Variants in CCDC187 observed in about 807,000 individuals in gnomAD.
The protein encoded by CCDC187 is coiled-coil domain containing 187.
Under a neutral mutation model 38.0 loss-of-function variants are expected in CCDC187, and 32 were observed. The ratio of observed to expected loss-of-function variants is 0.84; its 90% CI spans 0.64 to 1.13. CCDC187 has a LOEUF of 1.13. CCDC187 is among the 50% of genes most tolerant of loss of function. The probability of loss-of-function intolerance (pLI) is 0.00; values close to 1 mark genes in which losing one functional copy is unlikely to be tolerated. For synonymous variants in CCDC187, 333 were observed against 347.9 expected (o/e 0.96, Z 0.48); for missense variants, 707 against 786.8 (o/e 0.90, Z 1.21).
chr9:136,251,160 C>G lies in CCDC187; in HGVS notation c.*2434G>C, dbSNP rs1554759349. The G allele has an allele frequency of 1.3e-5, 5 of 392,378 alleles. 1 individual carries two copies. In the Admixed American group the frequency reaches 1.4e-4, roughly 11 times the overall value. 24.3% of individuals were successfully genotyped at this position (392,378 alleles called of 1,614,324 possible). ...CACAGATGTCCCTAAGGCCAACACG[C>G]TGCTCATCAACTCCGCATTCAAGAA... On this transcript the variant is annotated 3_prime_UTR_variant, in exon 26 of 26. Transcript: ENST00000638797.
chr9:136,267,890 C>T (rs1048493940), intron 15 of CCDC187, 159 bp downstream of exon 15: 4 of 985,358 alleles, frequency 4.1e-6, no homozygotes, highest in Non-Finnish European at 3.6e-6. Context: ...GGGTAGCTGT[C>T]AGCTGGAAGA....
intron 12 of CCDC187, among the ~76,000 whole-genome samples, 162 bp from the exon 13 acceptor site, chr9:136,275,169 C>A (rs1164535229): frequency 6.6e-6 from 1 of 152,162 alleles, no homozygotes; most frequent in African/African-American, 2.4e-5. Context: ...CAAGTGGGGC[C>A]GACAGCCCCC....
At chr9:136,269,684 C>T (rs1554762119) in intron 14 of CCDC187, among the ~76,000 whole-genome samples, 1 of 152,008 alleles carries the variant, frequency 6.6e-6, no homozygotes, top group Non-Finnish European at 1.5e-5. Context: ...TACAAGAATA[C>T]AAAAATATCT....
intron 7 of CCDC187, among the ~76,000 whole-genome samples, chr9:136,289,266 C>G (rs1831253003): frequency 6.6e-6 from 1 of 151,954 alleles, no homozygotes; most frequent in African/African-American, 2.4e-5. Flanking sequence ...TCCTATAATC[C>G]CAGCACTTTG....
chr9:136,267,781 GCC>G (rs1830773118), intron 15 of CCDC187: 1 of 938,812 alleles, frequency 1.1e-6, no homozygotes, highest in Admixed American at 6.2e-5. Context: ...CAGGCCACCT[GCC>G]CTAAAATATA....
chr9:136,286,484 A>C lies in CCDC187; in HGVS notation c.2434T>G (p.Ser812Ala). 2.5e-6 allele frequency: 1 copy of C among 398,748 alleles called. No homozygotes were observed. The highest frequency in any genetic ancestry group is 4.4e-5 in the Admixed American group (1 of 22,746). 24.7% of individuals were successfully genotyped at this position (398,748 alleles called of 1,614,324 possible). A position where few individuals can be genotyped will look rare whatever the true frequency, so the allele number is the denominator to read the frequency against. The change falls in exon 8 of 26, where the codon TCC becomes GCC. Residue 812 changes from serine (S) to alanine (A), a missense_variant. Physicochemically the swap from Ser to Ala is moderately conservative, Grantham distance 99. Coordinates refer to ENST00000638797, the MANE Select transcript of CCDC187 (RefSeq NM_001378188.1). ...TTATGCCGGAGGTGCAGGGAGCTGG[A>C]AGTGCCCAGGTGCTCAGCCTCCTTT... ...DPKEAEHLGTSSSLHLRHKQA... is the reference protein window; with the variant it reads ...DPKEAEHLGTASSLHLRHKQA...
chr9:136,265,940 C>T lies in CCDC187; in HGVS notation c.3735+16G>A. 2.0e-6 allele frequency: 2 copies of T among 984,762 alleles called. No homozygotes were observed. Among genetic ancestry groups the T allele is most frequent in the Non-Finnish European group, 2.4e-6 (2 of 829,258 alleles). The allele number at this position is 984,762 out of a possible 1,614,324, so 61.0% of individuals were successfully genotyped here. A position where few individuals can be genotyped will look rare whatever the true frequency, so the allele number is the denominator to read the frequency against. The stretch of plus-strand genomic sequence containing the variant: ...GAGCCGCCCACCCTGACCCACCAGG[C>T]CTGTGCTGGCCCCACCTGCTCCTTC... On this transcript the variant is annotated intron_variant, in intron 17 of 25. Transcript: ENST00000638797.
intron 4 of CCDC187, among the ~76,000 whole-genome samples, chr9:136,297,452 C>T (rs1831564021): frequency 6.6e-6 from 1 of 152,162 alleles, no homozygotes; most frequent in East Asian, 1.9e-4. Context: ...TGGACTTTCA[C>T]TTTGTCTCAA....
At chr9:136,255,255 G>A (rs1172277351) in intron 25 of CCDC187, 121 bp from the exon 26 acceptor site, 15 of 398,290 alleles carry the variant, frequency 3.8e-5, no homozygotes, top group South Asian at 1.0e-4. Flanking sequence ...CAGGAAAAGC[G>A]TCGAGGGTGC....
chr9:136,301,641 C>CAGTGGCGCAATCTCGACTCACTGCAA (rs1831686436), intron 2 of CCDC187, among the ~76,000 whole-genome samples: 1 of 140,362 alleles, frequency 7.1e-6, no homozygotes, highest in African/African-American at 2.7e-5. Context: ...GGCTGGAGTG[C>CAGTGGCGCAATCTCGACTCACTGCAA]AGTGGCGCAA....
intron 2 of CCDC187, among the ~76,000 whole-genome samples, chr9:136,300,671 C>T (rs1831656894): frequency 6.6e-6 from 1 of 151,808 alleles, no homozygotes. Flanking sequence ...GATCTCAGCT[C>T]ACTGCAACCT....
chr9:136,291,924 G>A (rs1262985137), intron 5 of CCDC187, among the ~76,000 whole-genome samples: 8 of 152,210 alleles, frequency 5.3e-5, no homozygotes, highest in Admixed American at 5.2e-4. Flanking sequence ...CCTGCCCCGG[G>A]AACTGGCGAT....
At chr9:136,281,347 C>CA in intron 10 of CCDC187, 1 of 398,476 alleles carries the variant, frequency 2.5e-6, no homozygotes, top group Non-Finnish European at 4.4e-6. Flanking sequence ...CCCATCACTG[C>CA]AGGTGTGGTG....
At chr9:136,298,388 G>C (rs1021132601) in intron 3 of CCDC187, among the ~76,000 whole-genome samples, 1 of 152,196 alleles carries the variant, frequency 6.6e-6, no homozygotes, top group Non-Finnish European at 1.5e-5. Context: ...GAGAGCCCGA[G>C]GGGGCGGAGT....
At chr9:136,267,302 G>C in intron 16 of CCDC187, 82 bp downstream of exon 16, 1 of 933,062 alleles carries the variant, frequency 1.1e-6, no homozygotes, top group Non-Finnish European at 1.3e-6. Flanking sequence ...GGGGCAGGGA[G>C]GGGGCGGGGC....
intron 15 of CCDC187, 165 bp from the exon 16 acceptor site, chr9:136,267,676 C>G: frequency 1.1e-6 from 1 of 949,550 alleles, no homozygotes; most frequent in Non-Finnish European, 1.3e-6. Context: ...CCCTCCCATC[C>G]CCCTATGCCG....
intron 1 of CCDC187, among the ~76,000 whole-genome samples, 156 bp from the exon 2 acceptor site, chr9:136,303,449 G>A (rs893230418): frequency 2.0e-5 from 3 of 152,216 alleles, no homozygotes; most frequent in Admixed American, 6.5e-5. Flanking sequence ...GGACAGCCCC[G>A]GCATTCTCTC....
In CCDC187 at chr9:136,290,891, G is replaced by T; in HGVS notation, c.1722C>A (p.Ser574Arg). The T allele has an allele frequency of 2.5e-6, 1 of 398,614 alleles. No homozygotes were observed. Among genetic ancestry groups the T allele is most frequent in the East Asian group, 3.6e-5 (1 of 28,064 alleles). 24.7% of individuals were successfully genotyped at this position (398,614 alleles called of 1,614,324 possible). A position where few individuals can be genotyped will look rare whatever the true frequency, so the allele number is the denominator to read the frequency against. The change falls in exon 6 of 26, where the codon AGC becomes AGA. Residue 574 changes from serine (S) to arginine (R), a missense_variant. Transcript: ENST00000638797. ...GGCCGGCCCTCTGCACGCCGGAGCT[G>T]CTCCAGGGCCGCTGGGCTGGAGGAC... ...RPSPPAQRPW[S>R]SSGVQRAGPQ...
rs893754990 is a variant in CCDC187 at position 136,256,236 on chromosome 9, C to T, written c.4591G>A (p.Glu1531Lys). ...CTCTGCTCCCCCGATCGCCAGCTCTCGGTTTCCTGGGACTCCTCCACGGGG... is the reference window on the plus strand; with the variant it reads ...CTCTGCTCCCCCGATCGCCAGCTCTTGGTTTCCTGGGACTCCTCCACGGGG... ...ESPVEESQET[E>K]SWRSGEQRTE... Residue 1531 changes from glutamate to lysine, a missense_variant, in exon 24 of 26, where the codon GAG becomes AAG. Glu to Lys is a moderately conservative substitution (Grantham distance 56, BLOSUM62 1). Transcript: ENST00000638797. 10 of 985,602 alleles carry T rather than the reference C, an allele frequency of 1.0e-5. No homozygotes were observed. Among genetic ancestry groups the T allele is most frequent in the Admixed American group, 6.1e-5 (1 of 16,292 alleles). The allele number at this position is 985,602 out of a possible 1,614,324, so 61.1% of individuals were successfully genotyped here.
Sources: gnomAD v4.1 joint callset for allele counts (sites outside exome capture counted in the v4.1 genomes callset) on GRCh38, gnomAD v4.1.1 for gene constraint, MANE v1.5 for transcripts, NCBI Gene and HGNC (gene_info 2026-07-23, HGNC 2026-07-21) for gene names.